Variants in CEMIP2 observed in about 807,000 individuals in gnomAD.
CEMIP2 encodes the protein cell migration inducing hyaluronidase 2, also known as cell surface hyaluronidase CEMIP2.
In CEMIP2, 79 loss-of-function variants were observed where a neutral mutation model predicts 146.9. The ratio of observed to expected loss-of-function variants is 0.54; its 90% CI spans 0.45 to 0.65. The LOEUF is 0.65. Ranked by LOEUF, CEMIP2 falls within the 30% of genes least tolerant of loss-of-function variation. The pLI is 0.00. For missense variants in CEMIP2, 1,596 were observed against 1,696.2 expected (o/e 0.94, Z 1.04); for synonymous variants, 601 against 606.3 (o/e 0.99, Z 0.13).
In CEMIP2 at chr9:71,694,567, A is replaced by C; in HGVS notation, c.3638T>G (p.Val1213Gly). ...TGCTTTATCAGGTGACTGGAATTGC[A>C]CAGGGAGGTAACTTTTATGAGGATC... Reference protein sequence around the residue: ...TSDPHKSYLPVQFQSPDKAET... With the variant: ...TSDPHKSYLPGQFQSPDKAET... Residue 1213 changes from valine (V) to glycine (G), a missense_variant, in exon 21 of 24, where the codon GTG (valine) becomes GGG (glycine). Transcript: ENST00000377044. 6.2e-7 allele frequency: 1 copy of C among 1,614,022 alleles called. No homozygotes were observed. Among genetic ancestry groups the C allele is most frequent in the Non-Finnish European group, 8.5e-7 (1 of 1,179,910 alleles).
intron 12 of CEMIP2, among the ~76,000 whole-genome samples, chr9:71,719,576 G>A (rs1823170399): frequency 6.6e-6 from 1 of 152,114 alleles, no homozygotes; most frequent in Non-Finnish European, 1.5e-5. Context: ...CCAGTCAGAA[G>A]GATCTTCATG....
chr9:71,737,407 C>CAA (rs1206435582), intron 5 of CEMIP2, among the ~76,000 whole-genome samples: 5 of 87,582 alleles, frequency 5.7e-5, no homozygotes, highest in Non-Finnish European at 9.5e-5. Context: ...GACTCCGTCT[C>CAA]AAAAAAAAAA....
Position 71,740,201 on chromosome 9 carries a change from C to T in CEMIP2, c.1066G>A (p.Gly356Ser), listed in dbSNP as rs945482209. ...GATTCATTGCAAGAAGTGCTTCCAC[C>T]ATCAATGACACCAACTAAAGCCCAA... ...QAWALVGVID[G>S]GSTSCNESVR... The change falls in exon 5 of 24, where the codon GGT becomes AGT. Residue 356 changes from glycine to serine, a missense_variant. Transcript: ENST00000377044. 5.6e-6 allele frequency: 9 copies of T among 1,613,694 alleles called. No individual in the cohort carries two copies. Among genetic ancestry groups the T allele is most frequent in the Non-Finnish European group, 6.8e-6 (8 of 1,179,986 alleles).
chr9:71,723,136 G>GAA lies in CEMIP2; in HGVS notation c.2179-623_2179-622dup, dbSNP rs33948828. Among the ~76,000 whole-genome samples the GAA allele has an allele frequency of 2.2e-3, 230 of 104,226 alleles. 4 individuals are homozygous for GAA. The highest frequency in any genetic ancestry group is 4.8e-3 in the Admixed American group (42 of 8,790). 68.4% of individuals were successfully genotyped at this position (104,226 alleles called of 152,430 possible). On this transcript the variant is annotated intron_variant, in intron 11 of 23. Coordinates refer to ENST00000377044, the MANE Select transcript of CEMIP2 (RefSeq NM_013390.3). ...TGGCAGAGAGCATGGAACAGCCAAA[G>GAA]AAAAAAAAAAAAAAAACAAAACCAT...
rs1393621529 is a variant in CEMIP2, at chr9:71,750,133, T to G, written c.241A>C (p.Asn81His). ...GTAATAGCAAAACAAATGAAAGTAT[T>G]TTTGTGTCTCTTTTGCTTTTGACTT... Reference protein sequence around the residue: ...RESQKQKRHKNTFICFAITSF... With the variant: ...RESQKQKRHKHTFICFAITSF... The change falls in exon 2 of 24, where the codon AAT becomes CAT. Residue 81 changes from asparagine to histidine, a missense_variant. Transcript: ENST00000377044. 1 of 1,613,804 alleles carries G rather than the reference T, an allele frequency of 6.2e-7. No homozygotes were observed. Among genetic ancestry groups the G allele is most frequent in the African/African-American group, 1.3e-5 (1 of 74,908 alleles).
At chr9:71,733,840 T>C (rs1823687500) in intron 6 of CEMIP2, among the ~76,000 whole-genome samples, 2 of 151,576 alleles carry the variant, frequency 1.3e-5, no homozygotes, top group African/African-American at 4.8e-5. Flanking sequence ...AGAATTTCTT[T>C]GTGTAGTCTT....
chr9:71,714,366 G>GTGATGATGATGA (rs6151029), intron 15 of CEMIP2, among the ~76,000 whole-genome samples: 139,567 of 151,848 alleles, frequency 0.92, 64,225 homozygotes, highest in East Asian at 0.97. Context: ...TAATGACTCT[G>GTGATGATGATGA]TGATGATGAT....
At chr9:71,763,060 TA>T (rs771563548) in intron 1 of CEMIP2, among the ~76,000 whole-genome samples, 533 of 137,076 alleles carry the variant, frequency 3.9e-3, no homozygotes, top group South Asian at 4.6e-3. Context: ...AACCACAACT[TA>T]AAAAAAAAAA....
chr9:71,704,816 A>G lies in CEMIP2; in HGVS notation c.2986-13T>C. The G allele has an allele frequency of 8.7e-6, 14 of 1,610,284 alleles. No individual in the cohort carries two copies. Among genetic ancestry groups the G allele is most frequent in the Non-Finnish European group, 1.2e-5 (14 of 1,176,778 alleles). Reference sequence around the variant, plus strand: ...TCTGTACATAGACCTTGAAAAAATAATCAAGAAGTAAAGGGAAGAGAATGA... The same window carrying G: ...TCTGTACATAGACCTTGAAAAAATAGTCAAGAAGTAAAGGGAAGAGAATGA... On this transcript the variant is annotated splice_polypyrimidine_tract_variant and intron_variant, in intron 17 of 23. Coordinates refer to ENST00000377044, the MANE Select transcript of CEMIP2 (RefSeq NM_013390.3).
chr9:71,742,350 C>T (rs1351292319), intron 4 of CEMIP2, among the ~76,000 whole-genome samples: 1 of 152,194 alleles, frequency 6.6e-6, no homozygotes, highest in African/African-American at 2.4e-5. Context: ...CACAGGCTTC[C>T]TTTCTTTACC....
At chr9:71,690,688 T>C (rs969359471) in intron 21 of CEMIP2, among the ~76,000 whole-genome samples, 2 of 152,240 alleles carry the variant, frequency 1.3e-5, no homozygotes, top group Admixed American at 1.3e-4. Context: ...ATATGTATCA[T>C]GCCTTGATCC....
chr9:71,736,507 C>G (rs1163972789), intron 5 of CEMIP2, among the ~76,000 whole-genome samples: 1 of 152,186 alleles, frequency 6.6e-6, no homozygotes, highest in Admixed American at 6.5e-5. Flanking sequence ...CTGTCCAACT[C>G]AGCTCCTTTC....
chr9:71,698,091 C>T lies in CEMIP2; in HGVS notation c.3491G>A (p.Ser1164Asn). 2 of 1,614,160 alleles carry T rather than the reference C, an allele frequency of 1.2e-6. No homozygotes were observed. The highest frequency in any genetic ancestry group is 1.1e-5 in the South Asian group (1 of 91,086). ...IQAATDSKDI[S>N]NCMAKAYPQY... ...TGGGTATGCTTTGGCCATGCAGTTACTGATGTCCTTTGAGTCTGTGGCTGC... is the reference window on the plus strand; with the variant it reads ...TGGGTATGCTTTGGCCATGCAGTTATTGATGTCCTTTGAGTCTGTGGCTGC... The change falls in exon 20 of 24, where the codon AGT (serine) becomes AAT (asparagine). Residue 1164 changes from serine (S) to asparagine (N), a missense_variant. Ser to Asn is a conservative substitution (Grantham distance 46). Transcript: ENST00000377044.
chr9:71,688,817 C>CGGG (rs1822146587), intron 22 of CEMIP2, among the ~76,000 whole-genome samples: 1 of 152,136 alleles, frequency 6.6e-6, no homozygotes, highest in Non-Finnish European at 1.5e-5. Context: ...CAGGTCACCC[C>CGGG]GCAACCCTAT....
chr9:71,744,595 T>A (rs1824020364), intron 4 of CEMIP2, among the ~76,000 whole-genome samples: 3 of 152,216 alleles, frequency 2.0e-5, no homozygotes, highest in Admixed American at 2.0e-4. Flanking sequence ...CCCCTCAGCC[T>A]TTTAAGACAG....
chr9:71,694,698 T>C, intron 20 of CEMIP2, 91 bp from the exon 21 acceptor site: 1 of 795,308 alleles, frequency 1.3e-6, no homozygotes, highest in Non-Finnish European at 2.1e-6. Context: ...TTAAAGCCAG[T>C]GGTTGTATTT....
At chr9:71,715,547 G>A (rs1823025579) in intron 14 of CEMIP2, among the ~76,000 whole-genome samples, 2 of 147,264 alleles carry the variant, frequency 1.4e-5, no homozygotes, top group African/African-American at 4.9e-5. Context: ...ACTCAGCCTT[G>A]AAATTGCTTT....
chr9:71,760,835 A>C (rs1479420670), intron 1 of CEMIP2, among the ~76,000 whole-genome samples: 2 of 152,216 alleles, frequency 1.3e-5, no homozygotes, highest in African/African-American at 4.8e-5. Flanking sequence ...AACCCAGAAA[A>C]TTAGAAAAAA....
intron 13 of CEMIP2, 91 bp from the exon 14 acceptor site, chr9:71,716,643 A>G: frequency 8.9e-7 from 1 of 1,125,548 alleles, no homozygotes; most frequent in African/African-American, 1.6e-5. Flanking sequence ...CATGAAATCC[A>G]AAAGGTCCCA....
Sources: gnomAD v4.1 joint callset for allele counts (sites outside exome capture counted in the v4.1 genomes callset) on GRCh38, gnomAD v4.1.1 for gene constraint, MANE v1.5 for transcripts, NCBI Gene and HGNC (gene_info 2026-07-23, HGNC 2026-07-21) for gene names.